SPON2: variants seen among roughly 807,000 people sequenced by gnomAD.
SPON2 encodes spondin-2.
In SPON2, 32 loss-of-function variants were observed where a neutral mutation model predicts 29.9. That is an observed-to-expected ratio of 1.07 (90% confidence interval 0.81 to 1.44). The LOEUF is 1.44. Ranked by LOEUF, SPON2 falls within the 40% of genes most tolerant of loss-of-function variation. The pLI is 0.00. For synonymous variants in SPON2, 248 were observed against 209.1 expected (o/e 1.19, Z -1.61); for missense variants, 541 against 455.5 (o/e 1.19, Z -1.71).
intron 1 of SPON2, among the ~76,000 whole-genome samples, chr4:1,205,591 C>CGTG (rs1728321322): frequency 6.6e-6 from 1 of 151,876 alleles, no homozygotes; most frequent in African/African-American, 2.4e-5. Flanking sequence ...CCTGGCCTTC[C>CGTG]CTGCCAGCCC....
At chr4:1,188,962 A>G (rs189514646) in intron 1 of SPON2, among the ~76,000 whole-genome samples, 3 of 152,366 alleles carry the variant, frequency 2.0e-5, no homozygotes, top group African/African-American at 7.2e-5. Flanking sequence ...CAAATTTAAA[A>G]TGATTGAAAT....
At chr4:1,200,231 C>G (rs1215155400) in intron 1 of SPON2, among the ~76,000 whole-genome samples, 2 of 152,198 alleles carry the variant, frequency 1.3e-5, no homozygotes, top group African/African-American at 4.8e-5. Flanking sequence ...TCCACTGTCT[C>G]TGACACGTTC....
Position 1,171,881 on chromosome 4 carries a change from C to A in SPON2, c.191G>T (p.Arg64Leu), listed in dbSNP as rs1250159590. Residue 64 changes from arginine to leucine, a missense_variant, in exon 2 of 6, where the codon CGC becomes CTC. Physicochemically the swap from Arg to Leu is moderately radical, Grantham distance 102. Transcript: ENST00000290902. ...TAFPKQYPLF[R>L]PPAQWSSLLG... is the part of the protein sequence containing the mutation. ...CAGCGAAGACCACTGCGCAGGGGGG[C>A]GGAACAGGGGGTACTGCTTGGGGAA... 1 of 1,612,770 alleles carries A rather than the reference C, an allele frequency of 6.2e-7. No homozygotes were observed. Among genetic ancestry groups the A allele is most frequent in the Non-Finnish European group, 8.5e-7 (1 of 1,179,810 alleles).
chr4:1,171,580 C>G, intron 2 of SPON2, 94 bp from the exon 3 acceptor site: 1 of 1,293,884 alleles, frequency 7.7e-7, no homozygotes, highest in Non-Finnish European at 1.1e-6. Flanking sequence ...CTCCCCGCCG[C>G]CCGCAGGGAA....
chr4:1,171,360 G>C lies in SPON2; in HGVS notation c.347C>G (p.Ala116Gly), dbSNP rs538830753. ...AAACACCGCGTGCACGCTCTGCAGC[G>C]CCTCCCCCGCCGCCTCGATCTCCTT... ...LMKEIEAAGE[A>G]LQSVHAVFSA... The change falls in exon 3 of 6, where the codon GCG (alanine) becomes GGG (glycine). Residue 116 changes from alanine (A) to glycine (G), a missense_variant. Ala to Gly is a moderately conservative substitution (Grantham distance 60). Transcript: ENST00000290902. The C allele has an allele frequency of 6.2e-7, 1 of 1,611,128 alleles. No individual in the cohort carries two copies. The highest frequency in any genetic ancestry group is 1.3e-5 in the African/African-American group (1 of 74,996).
At chr4:1,190,112 C>T (rs929546074) in intron 1 of SPON2, among the ~76,000 whole-genome samples, 1 of 151,508 alleles carries the variant, frequency 6.6e-6, no homozygotes, top group Non-Finnish European at 1.5e-5. Flanking sequence ...TTACTAATGA[C>T]ATTACAGAAA....
At chr4:1,207,285 G>A (rs1031298447) in intron 1 of SPON2, among the ~76,000 whole-genome samples, 1 of 152,106 alleles carries the variant, frequency 6.6e-6, no homozygotes, top group South Asian at 2.1e-4. Flanking sequence ...GGGTGAGTCC[G>A]GCTGCTCGAC....
At chr4:1,186,144 T>G (rs887003196) in intron 1 of SPON2, among the ~76,000 whole-genome samples, 2 of 149,106 alleles carry the variant, frequency 1.3e-5, no homozygotes, top group Non-Finnish European at 1.5e-5. Flanking sequence ...CTCAGGAGGC[T>G]GAGGCAGGAG....
rs867296831 is a variant in SPON2, at chr4:1,171,762, A to T, written c.220+90T>A. ...GTCTCCCGACGTCAGCACGCCCCAGACTGGGAAGCGCCGCCGTGCAGCTGT... is the reference window on the plus strand; with the variant it reads ...GTCTCCCGACGTCAGCACGCCCCAGTCTGGGAAGCGCCGCCGTGCAGCTGT... On this transcript the variant is annotated intron_variant, in intron 2 of 5. Transcript: ENST00000290902. 40 of 959,308 alleles carry T rather than the reference A, an allele frequency of 4.2e-5. No homozygotes were observed. In the Middle Eastern group the frequency reaches 7.4e-4, roughly 18 times the overall value. The allele number at this position is 959,308 out of a possible 1,614,324, so 59.4% of individuals were successfully genotyped here.
chr4:1,175,529 T>C (rs1727576309), upstream of SPON2, among the ~76,000 whole-genome samples: 1 of 151,680 alleles, frequency 6.6e-6, no homozygotes, highest in Non-Finnish European at 1.5e-5. Flanking sequence ...CTGGGGGGTC[T>C]CCAGCTAGGA....
In SPON2 at chr4:1,195,016, AGCCGGCGGCTCCAACCCCG is replaced by A. The variant is rs1560210729; in HGVS notation, c.-284_-266del. 1,097 of 109,754 alleles carry A rather than the reference AGCCGGCGGCTCCAACCCCG, an allele frequency of 1.0e-2. 21 individuals are homozygous for A. The highest frequency in any genetic ancestry group is 0.025 in the African/African-American group (759 of 30,370). 6.8% of individuals were successfully genotyped at this position (109,754 alleles called of 1,614,324 possible). A position where few individuals can be genotyped will look rare whatever the true frequency, so the allele number is the denominator to read the frequency against. On this transcript the variant is annotated 5_prime_UTR_variant, in exon 1 of 4. Coordinates refer to the SPON2 transcript ENST00000502483. ...TCACAGCCGGCGGTTCCAACCCCGC[AGCCGGCGGCTCCAACCCCG>A]CAGCCGGCGGCTCCAACCCCGCAGC...
intron 1 of SPON2, among the ~76,000 whole-genome samples, chr4:1,204,433 T>G (rs1022424600): frequency 4.6e-5 from 7 of 152,208 alleles, no homozygotes; most frequent in African/African-American, 1.7e-4. Flanking sequence ...GCACTGCTGA[T>G]CTGAACACAG....
intron 1 of SPON2, among the ~76,000 whole-genome samples, chr4:1,181,000 TAAAG>T (rs1279053153): frequency 6.6e-6 from 1 of 151,898 alleles, no homozygotes; most frequent in Non-Finnish European, 1.5e-5. Flanking sequence ...TTCCCAAAGA[TAAAG>T]AAAAATGTTT....
chr4:1,182,667 G>A (rs1009403818), intron 1 of SPON2, among the ~76,000 whole-genome samples: 1 of 152,138 alleles, frequency 6.6e-6, no homozygotes, highest in Non-Finnish European at 1.5e-5. Flanking sequence ...GAGAACATTT[G>A]AAGAAATAAT....
At chr4:1,188,365 C>T (rs895170475) in intron 1 of SPON2, among the ~76,000 whole-genome samples, 1 of 152,074 alleles carries the variant, frequency 6.6e-6, no homozygotes, top group Admixed American at 6.6e-5. Flanking sequence ...TCTCCCTTAT[C>T]AACTCAGTAT....
chr4:1,171,867 A>G lies in SPON2; in HGVS notation c.205T>C (p.Trp69Arg), dbSNP rs1278121909. Residue 69 changes from tryptophan (W) to arginine (R), a missense_variant, in exon 2 of 6, where the codon TGG becomes CGG. By Grantham distance (101) the Trp-to-Arg change is moderately radical (BLOSUM62 -3). Coordinates refer to ENST00000290902, the MANE Select transcript of SPON2 (RefSeq NM_012445.4). ...CTGTACTTACCCAGCAGCGAAGACCACTGCGCAGGGGGGCGGAACAGGGGG... is the reference window on the plus strand; with the variant it reads ...CTGTACTTACCCAGCAGCGAAGACCGCTGCGCAGGGGGGCGGAACAGGGGG... The part of the protein sequence containing the change: ...QYPLFRPPAQ[W>R]SSLLGAAHSS... 8.7e-6 allele frequency: 14 copies of G among 1,612,214 alleles called. No individual in the cohort carries two copies. Among genetic ancestry groups the G allele is most frequent in the Non-Finnish European group, 1.2e-5 (14 of 1,179,306 alleles).
chr4:1,181,949 GA>G (rs1267784939), intron 1 of SPON2, among the ~76,000 whole-genome samples: 1 of 152,072 alleles, frequency 6.6e-6, no homozygotes, highest in East Asian at 1.9e-4. Flanking sequence ...TAAAGACTAG[GA>G]CATTCAAAAG....
At chr4:1,183,486 T>A (rs1221421987) in intron 1 of SPON2, among the ~76,000 whole-genome samples, 1 of 152,180 alleles carries the variant, frequency 6.6e-6, no homozygotes. Flanking sequence ...TAACCCCACT[T>A]TTTTGTTTTC....
At chr4:1,177,929 C>A (rs761107216), upstream of SPON2, among the ~76,000 whole-genome samples, 18 of 152,230 alleles carry the variant, frequency 1.2e-4, no homozygotes, top group Non-Finnish European at 2.4e-4. Context: ...AGGGACCCTG[C>A]TGCGCATTTG....
Sources: gnomAD v4.1 joint callset for allele counts (sites outside exome capture counted in the v4.1 genomes callset) on GRCh38, gnomAD v4.1.1 for gene constraint, MANE v1.5 for transcripts, NCBI Gene and HGNC (gene_info 2026-07-23, HGNC 2026-07-21) for gene names.